The following RPS6KA5 variants were observed in gnomAD, a reference collection of about 807,000 sequenced individuals.
RPS6KA5 encodes ribosomal protein S6 kinase alpha-5.
A neutral mutation model predicts 85.5 loss-of-function variants in RPS6KA5; 27 were observed. The ratio of observed to expected loss-of-function variants is 0.32; its 90% confidence interval spans 0.23 to 0.44. The LOEUF (loss-of-function observed/expected upper bound fraction) is 0.44, where lower values mean the gene tolerates loss of function less well. Among genes scored for constraint, RPS6KA5 ranks in the 20% least tolerant of loss-of-function variants. The pLI, the probability that RPS6KA5 is intolerant of heterozygous loss-of-function variation, is 1.00. For synonymous variants in RPS6KA5, 334 were observed against 348.2 expected, an observed-to-expected ratio of 0.96 and a Z score of 0.46; for missense variants, 811 against 980.9, an observed-to-expected ratio of 0.83 and a Z score of 2.31.
At chr14:90,917,754 G>A (rs901644466) in intron 7 of RPS6KA5, among the ~76,000 whole-genome samples, 2 of 151,176 alleles carry the variant, frequency 1.3e-5, no homozygotes, top group Non-Finnish European at 2.9e-5. Context: ...AAGAGATAGG[G>A]TCTTGCTACA....
intron 1 of RPS6KA5, among the ~76,000 whole-genome samples, chr14:91,017,243 G>C (rs562128598): frequency 6.6e-6 from 1 of 152,336 alleles, no homozygotes; most frequent in African/African-American, 2.4e-5. Flanking sequence ...TGATAACACT[G>C]AACTGCTTTT....
In RPS6KA5 at chr14:91,012,278, A is replaced by G. The variant is rs1377394722; in HGVS notation, c.104-11119T>C. On this transcript the variant is annotated intron_variant, in intron 1 of 16. Coordinates refer to ENST00000614987, the MANE Select transcript of RPS6KA5 (RefSeq NM_004755.4). ...CACTTTTGGTATTAATGAAATCTCA[A>G]TACTAACCTCTAATTTTCAAGTTCT... 2.0e-5 allele frequency among the ~76,000 whole-genome samples: 3 copies of G among 152,210 alleles called. No individual in the cohort carries two copies. The East Asian group carries it at 5.8e-4, about 29-fold the overall frequency.
Position 90,901,567 on chromosome 14 carries a change from G to A in RPS6KA5, c.1120-831C>T, listed in dbSNP as rs144538643. Reference sequence around the variant, plus strand: ...GCTCTGAGCTAAGTGGTACAAAGACGGATGATTAATCCGTTCAAGCTAGAA... The same window carrying A: ...GCTCTGAGCTAAGTGGTACAAAGACAGATGATTAATCCGTTCAAGCTAGAA... On this transcript the variant is annotated intron_variant, in intron 9 of 16. Transcript: ENST00000614987. Among the ~76,000 whole-genome samples, 287 of 152,208 alleles carry A rather than the reference G, an allele frequency of 1.9e-3. 3 individuals are homozygous for A. The highest frequency in any genetic ancestry group is 6.3e-3 in the African/African-American group (261 of 41,522).
intron 5 of RPS6KA5, among the ~76,000 whole-genome samples, chr14:90,934,760 C>T (rs2037171343): frequency 1.3e-5 from 2 of 152,096 alleles, no homozygotes; most frequent in South Asian, 4.1e-4. Context: ...GGCAGGCAAT[C>T]CCTATTTACC....
chr14:90,876,067 C>A (rs1168743956), intron 14 of RPS6KA5, among the ~76,000 whole-genome samples: 2 of 151,858 alleles, frequency 1.3e-5, no homozygotes, highest in African/African-American at 4.8e-5. Flanking sequence ...AAAAAGATTA[C>A]GTGACTTCTA....
At chr14:90,983,031 T>G (rs982415700) in intron 2 of RPS6KA5, among the ~76,000 whole-genome samples, 1 of 150,926 alleles carries the variant, frequency 6.6e-6, no homozygotes, top group Admixed American at 6.6e-5. Context: ...GAGGATGGCA[T>G]GAACCCAGGA....
In RPS6KA5 at chr14:90,868,741, A is replaced by G. The variant is rs1224305582; in HGVS notation, c.*3333T>C. ...GGTGAATAAGTATCCAGTCAATTGT[A>G]TACTTTTATAAAGTAGTGTATTTGA... On this transcript the variant is annotated 3_prime_UTR_variant, in exon 17 of 17. Transcript: ENST00000614987. 1.3e-5 allele frequency: 2 copies of G among 152,226 alleles called. No individual in the cohort carries two copies. Among genetic ancestry groups the G allele is most frequent in the Non-Finnish European group, 2.9e-5 (2 of 68,026 alleles). The allele number at this position is 152,226 out of a possible 1,614,324, so 9.4% of individuals were successfully genotyped here. A position where few individuals can be genotyped will look rare whatever the true frequency, so the allele number is the denominator to read the frequency against.
chr14:90,880,016 G>A (rs2140157339), intron 14 of RPS6KA5, among the ~76,000 whole-genome samples: 1 of 152,004 alleles, frequency 6.6e-6, no homozygotes, highest in East Asian at 1.9e-4. Flanking sequence ...GGCCAGGCTG[G>A]TCTCAAACTC....
rs762018731 is a variant in RPS6KA5 at position 90,855,613 on chromosome 14, T to TTTTTTTTTGTA, written c.*16460_*16461insTACAAAAAAAA. On this transcript the variant is annotated 3_prime_UTR_variant, in exon 17 of 17. Transcript: ENST00000614987. ...CCACCACGCCCAGCTAATTTTTGTA[T>TTTTTTTTTGTA]TTTTTTTTTTTTGAGACAGAGTCTT... The TTTTTTTTTGTA allele has an allele frequency of 0.047, 6,521 of 139,530 alleles. 405 individuals carry two copies. The highest frequency in any genetic ancestry group is 0.14 in the African/African-American group (5,193 of 37,508). The allele number at this position is 139,530 out of a possible 1,614,324, so 8.6% of individuals were successfully genotyped here. A position where few individuals can be genotyped will look rare whatever the true frequency, so the allele number is the denominator to read the frequency against.
chr14:90,870,805 C>CTTTTTTT lies in RPS6KA5; in HGVS notation c.*1262_*1268dup, dbSNP rs78409439. 1.0e-3 allele frequency: 88 copies of CTTTTTTT among 85,842 alleles called. 1 individual carries two copies. The highest frequency in any genetic ancestry group is 3.5e-3 in the African/African-American group (76 of 21,746). The allele number at this position is 85,842 out of a possible 1,614,324, so 5.3% of individuals were successfully genotyped here. ...ATATAACACACAAACCCTATCACTTCTTTTTTTTTTTTTTTTTTTTTTGCA... is the reference window on the plus strand; with the variant it reads ...ATATAACACACAAACCCTATCACTTCTTTTTTTTTTTTTTTTTTTTTTTTTTTTTGCA... On this transcript the variant is annotated 3_prime_UTR_variant, in exon 17 of 17. Coordinates refer to ENST00000614987, the MANE Select transcript of RPS6KA5 (RefSeq NM_004755.4).
chr14:90,909,896 T>C (rs2035707606), intron 7 of RPS6KA5, among the ~76,000 whole-genome samples: 1 of 152,124 alleles, frequency 6.6e-6, no homozygotes, highest in Admixed American at 6.5e-5. Flanking sequence ...TTGCCTCAGC[T>C]TCCCGGGTAG....
intron 1 of RPS6KA5, among the ~76,000 whole-genome samples, chr14:91,054,638 A>G (rs1163591176): frequency 2.5e-5 from 3 of 120,034 alleles, no homozygotes; most frequent in African/African-American, 6.6e-5. Flanking sequence ...TCTGTCTCAG[A>G]AAAAAAAAAA....
At chr14:91,054,073 A>G (rs984272486) in intron 1 of RPS6KA5, among the ~76,000 whole-genome samples, 3 of 152,228 alleles carry the variant, frequency 2.0e-5, no homozygotes. Context: ...TAAGGGTGCC[A>G]AGACATTAAA....
At position 90,862,708 on chromosome 14, in the gene RPS6KA5, T is replaced by C. The variant is rs2032620996; in HGVS notation, c.*9366A>G. 1 of 152,122 alleles carries C rather than the reference T, an allele frequency of 6.6e-6. No individual in the cohort carries two copies. The highest frequency in any genetic ancestry group is 2.4e-5 in the African/African-American group (1 of 41,402). 9.4% of individuals were successfully genotyped at this position (152,122 alleles called of 1,614,324 possible). A position where few individuals can be genotyped will look rare whatever the true frequency, so the allele number is the denominator to read the frequency against. ...CCAACTCCTGGGCTAAAGCAATCCT[T>C]CCTCTTGGCCTCCCAAAGTGTTGGG... On this transcript the variant is annotated 3_prime_UTR_variant, in exon 17 of 17. Coordinates refer to ENST00000614987, the MANE Select transcript of RPS6KA5 (RefSeq NM_004755.4).
intron 14 of RPS6KA5, 36 bp downstream of exon 14, chr14:90,890,451 T>A: frequency 6.6e-7 from 1 of 1,523,604 alleles, no homozygotes; most frequent in Non-Finnish European, 8.9e-7. Flanking sequence ...ACCAAAGAAA[T>A]AAGCAGGTTT....
chr14:91,051,855 C>T (rs2043096217), intron 1 of RPS6KA5, among the ~76,000 whole-genome samples: 1 of 151,776 alleles, frequency 6.6e-6, no homozygotes, highest in African/African-American at 2.4e-5. Flanking sequence ...ACTTTGTCAA[C>T]CTGAGAAAGA....
intron 1 of RPS6KA5, among the ~76,000 whole-genome samples, chr14:91,001,489 GA>G (rs1411030264): frequency 6.6e-6 from 1 of 152,138 alleles, no homozygotes; most frequent in Non-Finnish European, 1.5e-5. Context: ...ACATAGTGGG[GA>G]AAAAACTGGA....
intron 5 of RPS6KA5, among the ~76,000 whole-genome samples, chr14:90,933,075 A>G (rs1382231025): frequency 2.6e-5 from 4 of 152,210 alleles, no homozygotes; most frequent in African/African-American, 9.7e-5. Context: ...CCTAAGGTTA[A>G]AACTGAGCCA....
Position 90,848,704 on chromosome 14 carries a change from T to C in RPS6KA5, c.*23370A>G, listed in dbSNP as rs1413237514. ...CCATGCAAATAAAAATCTCATTACATGCCAGCTGAGTGACTTGCAAAGGTT... is the reference window on the plus strand; with the variant it reads ...CCATGCAAATAAAAATCTCATTACACGCCAGCTGAGTGACTTGCAAAGGTT... On this transcript the variant is annotated 3_prime_UTR_variant, in exon 17 of 17. Coordinates refer to ENST00000614987, the MANE Select transcript of RPS6KA5 (RefSeq NM_004755.4). 6.6e-6 allele frequency: 1 copy of C among 152,216 alleles called. No individual in the cohort carries two copies. Among genetic ancestry groups the C allele is most frequent in the Non-Finnish European group, 1.5e-5 (1 of 68,034 alleles). 9.4% of individuals were successfully genotyped at this position (152,216 alleles called of 1,614,324 possible).
Sources: allele counts gnomAD v4.1 joint callset (sites outside exome capture counted in the v4.1 genomes callset), GRCh38; gene constraint gnomAD v4.1.1; transcripts MANE v1.5; gene names NCBI Gene and HGNC (gene_info 2026-07-23, HGNC 2026-07-21).